CWH43: variants seen among roughly 807,000 people sequenced by gnomAD.
The protein encoded by CWH43 is PGAP2-interacting protein.
A neutral mutation model predicts 85.7 loss-of-function variants in CWH43; 91 were observed. The ratio of observed to expected loss-of-function variants is 1.06; its 90% CI spans 0.90 to 1.26. CWH43 has a LOEUF of 1.26. Among genes scored for constraint, CWH43 ranks in the 50% most tolerant of loss-of-function variants. The pLI is 0.00. For synonymous variants in CWH43, 323 were observed against 293.6 expected, an observed-to-expected ratio of 1.10 and a Z score of -1.02; for missense variants, 869 against 839.2, an observed-to-expected ratio of 1.04 and a Z score of -0.44.
At position 49,007,235 on chromosome 4, in the gene CWH43, AT is replaced by A; in HGVS notation, c.1098del (p.Phe366LeufsTer28). The A allele has an allele frequency of 6.2e-7, 1 of 1,611,822 alleles. No individual in the cohort carries two copies. Among genetic ancestry groups the A allele is most frequent in the Admixed American group, 1.7e-5 (1 of 59,856 alleles). ...MMLIIGLNML[F>X]GPKKNLDLLL... ...TGTTAATTATCGGGCTGAATATGCTATTTGGTCCTAAGAAAAACCTTGACTT... is the reference window on the plus strand; with the variant it reads ...TGTTAATTATCGGGCTGAATATGCTATTGGTCCTAAGAAAAACCTTGACTT... On this transcript the variant is annotated frameshift_variant, in exon 8 of 16. Transcript: ENST00000226432. LOFTEE classifies it high-confidence loss of function.
At chr4:49,060,546 G>A (rs1785120818) in intron 15 of CWH43, among the ~76,000 whole-genome samples, 1 of 152,074 alleles carries the variant, frequency 6.6e-6, no homozygotes, top group Admixed American at 6.6e-5. Flanking sequence ...GCAAAGTTGG[G>A]TGCTTACTTC....
intron 13 of CWH43, among the ~76,000 whole-genome samples, chr4:49,041,209 A>G (rs1199818359): frequency 6.6e-6 from 1 of 152,130 alleles, no homozygotes; most frequent in Non-Finnish European, 1.5e-5. Context: ...TTGGCTTAGG[A>G]TTGACTTGGC....
At chr4:49,009,703 C>T (rs542028692) in intron 8 of CWH43, among the ~76,000 whole-genome samples, 4 of 152,206 alleles carry the variant, frequency 2.6e-5, no homozygotes, top group South Asian at 2.1e-4. Context: ...TGAATTTTGT[C>T]GAAGGCCTTT....
intron 9 of CWH43, among the ~76,000 whole-genome samples, chr4:49,024,551 C>G (rs1048080695): frequency 1.3e-5 from 2 of 152,082 alleles, no homozygotes; most frequent in Non-Finnish European, 2.9e-5. Context: ...TTGGTAGTGG[C>G]AAATTCTCTT....
At chr4:49,001,937 C>T (rs776908504) in intron 6 of CWH43, among the ~76,000 whole-genome samples, 17 of 152,160 alleles carry the variant, frequency 1.1e-4, no homozygotes, top group Admixed American at 3.3e-4. Context: ...ATAGCATTTT[C>T]GACCTTAATT....
At chr4:49,011,915 T>G (rs1214265852) in intron 8 of CWH43, among the ~76,000 whole-genome samples, 1 of 152,220 alleles carries the variant, frequency 6.6e-6, no homozygotes, top group Non-Finnish European at 1.5e-5. Flanking sequence ...ATTTTTTCCT[T>G]TATTTCAACC....
intron 1 of CWH43, chr4:48,986,802 C>G: frequency 8.4e-7 from 1 of 1,191,244 alleles, no homozygotes. Flanking sequence ...TCCCCAAAGC[C>G]CCCCACCCGT....
chr4:49,056,565 T>G (rs556459773), intron 15 of CWH43, among the ~76,000 whole-genome samples: 38 of 152,226 alleles, frequency 2.5e-4, no homozygotes, highest in Non-Finnish European at 3.8e-4. Flanking sequence ...CTTTTTTTCT[T>G]AGTAAGTCTA....
chr4:49,038,235 T>C, intron 13 of CWH43, 55 bp downstream of exon 13: 3 of 1,440,378 alleles, frequency 2.1e-6, no homozygotes, highest in Non-Finnish European at 2.8e-6. Context: ...TTCTTTTTCT[T>C]TCATGTTTTT....
chr4:49,048,272 C>T (rs1784689486), intron 14 of CWH43, among the ~76,000 whole-genome samples: 2 of 151,088 alleles, frequency 1.3e-5, no homozygotes, highest in African/African-American at 4.9e-5. Flanking sequence ...AATGGGATGG[C>T]AGAGTTTATA....
chr4:48,991,641 G>T, intron 3 of CWH43, 67 bp downstream of exon 3: 1 of 1,555,022 alleles, frequency 6.4e-7, no homozygotes. Flanking sequence ...GAAACCTGGG[G>T]CCAGGAGTTC....
chr4:49,046,777 G>T (rs897318097), intron 14 of CWH43, among the ~76,000 whole-genome samples: 12 of 152,228 alleles, frequency 7.9e-5, no homozygotes, highest in African/African-American at 2.4e-4. Context: ...AGTGATGTGA[G>T]TATGGCAGGT....
At chr4:48,996,891 C>A (rs576114591) in intron 5 of CWH43, among the ~76,000 whole-genome samples, 2 of 152,334 alleles carry the variant, frequency 1.3e-5, no homozygotes, top group East Asian at 3.9e-4. Context: ...ACTCACAAGA[C>A]CAGCATTTCC....
rs1156313306 is a variant in CWH43, at chr4:49,038,169, G to C, written c.1792G>C (p.Gly598Arg). Residue 598 changes from glycine (G) to arginine (R), a missense_variant, in exon 13 of 16, where the codon GGC (glycine) becomes CGC (arginine). This residue lies in a region of CWH43 where 577 missense variants were observed against 513.1 expected (regional missense o/e 1.12). Coordinates refer to ENST00000226432, the MANE Select transcript of CWH43 (RefSeq NM_025087.3). ...SRDYLQLTEH[G>R]NVKDIDSTDH... ...AGATTATCTACAGCTCACTGAACAT[G>C]GCAATGTGAAGGTAACATAATCTTA... The C allele has an allele frequency of 4.4e-6, 7 of 1,574,756 alleles. No individual in the cohort carries two copies. Among genetic ancestry groups the C allele is most frequent in the African/African-American group, 2.7e-5 (2 of 73,138 alleles).
Position 49,003,774 on chromosome 4 carries a change from G to A in CWH43, c.842G>A (p.Trp281Ter), listed in dbSNP as rs770046067. 1 of 1,613,912 alleles carries A rather than the reference G, an allele frequency of 6.2e-7. No individual in the cohort carries two copies. Among genetic ancestry groups the A allele is most frequent in the Non-Finnish European group, 8.5e-7 (1 of 1,179,876 alleles). ...SAAGLLYLHT[W>*]AAAVSGCVFA... ...GCGGGGCTCCTTTACCTGCACACAT[G>A]GGCAGCTGCTGTGTCTGGCTGTGTC... Residue 281 changes from tryptophan (W) to a stop codon, truncating the protein, a stop_gained, in exon 7 of 16, where the codon TGG (tryptophan) becomes TAG (stop). Transcript: ENST00000226432. LOFTEE classifies it high-confidence loss of function.
rs151185806 is a variant in CWH43 at position 49,008,598 on chromosome 4, A to G, written c.1186+1272A>G. On this transcript the variant is annotated intron_variant, in intron 8 of 15. Transcript: ENST00000226432. Reference sequence around the variant, plus strand: ...GCCTAGGTTTTCTTCTAGCGCTTTTATGGTTTTAGGTCTAATATTTAAGTC... The same window carrying G: ...GCCTAGGTTTTCTTCTAGCGCTTTTGTGGTTTTAGGTCTAATATTTAAGTC... Among the ~76,000 whole-genome samples the G allele has an allele frequency of 6.5e-3, 983 of 152,206 alleles. 12 individuals carry two copies. The highest frequency in any genetic ancestry group is 0.022 in the African/African-American group (933 of 41,526).
chr4:49,031,190 G>A, intron 11 of CWH43: 1 of 415,404 alleles, frequency 2.4e-6, no homozygotes, highest in Non-Finnish European at 4.2e-6. Flanking sequence ...TCTAGGAGCT[G>A]AGGTTGCAGC....
chr4:49,017,158 A>G (rs543692821), intron 8 of CWH43, 91 bp from the exon 9 acceptor site: 1 of 1,054,126 alleles, frequency 9.5e-7, no homozygotes, highest in South Asian at 1.4e-5. Context: ...GTGCCATGGC[A>G]CTGGAGCTGA....
In CWH43 at chr4:48,991,990, C is replaced by T; in HGVS notation, c.411C>T (p.Arg137=). The stretch of plus-strand genomic sequence containing the variant: ...GACAGATTGTTCTTGTTGTTCTACG[C>T]ATATGGTATACTTCACTAAACCCAA... The part of the protein sequence containing the change: ...ILGQIVLVVL[R]IWYTSLNPIW... Residue 137 remains arginine (R), a synonymous_variant, in exon 4 of 16, where the codon CGC becomes CGT. Coordinates refer to ENST00000226432, the MANE Select transcript of CWH43 (RefSeq NM_025087.3). 1 of 1,613,782 alleles carries T rather than the reference C, an allele frequency of 6.2e-7. No individual in the cohort carries two copies. The highest frequency in any genetic ancestry group is 8.5e-7 in the Non-Finnish European group (1 of 1,179,712).
Sources: allele counts gnomAD v4.1 joint callset (sites outside exome capture counted in the v4.1 genomes callset), GRCh38; gene constraint gnomAD v4.1.1; regional missense constraint gnomAD v4.1.1; transcripts MANE v1.5; gene names NCBI Gene and HGNC (gene_info 2026-07-23, HGNC 2026-07-21).